The following SLC16A12 variants were observed in gnomAD, a reference collection of about 807,000 sequenced individuals.
The protein encoded by SLC16A12 is solute carrier family 16 member 12, also known as monocarboxylate transporter 12.
A neutral mutation model predicts 42.4 loss-of-function variants in SLC16A12; 17 were observed. The observed-to-expected ratio is 0.40, with a 90% CI of 0.27 to 0.60. The LOEUF is 0.60. Among genes scored for constraint, SLC16A12 ranks in the 20% least tolerant of loss-of-function variants. The pLI, the probability that SLC16A12 is intolerant of heterozygous loss-of-function variation, is 0.42. For synonymous variants in SLC16A12, 224 were observed against 229.4 expected, an observed-to-expected ratio of 0.98 and a Z score of 0.21; for missense variants, 544 against 623.0, an observed-to-expected ratio of 0.87 and a Z score of 1.35.
At chr10:89,548,595 C>A (rs1476498342) in intron 2 of SLC16A12, among the ~76,000 whole-genome samples, 1 of 152,038 alleles carries the variant, frequency 6.6e-6, no homozygotes, top group African/African-American at 2.4e-5. Flanking sequence ...GCGGGTGGAT[C>A]ACTGGAGGTC....
At chr10:89,490,389 T>G (rs533071641) in intron 2 of SLC16A12, among the ~76,000 whole-genome samples, 92 of 152,292 alleles carry the variant, frequency 6.0e-4, no homozygotes, top group Admixed American at 2.9e-3. Flanking sequence ...GGGCTCGGTC[T>G]CACAAGACTG....
chr10:89,492,793 A>G (rs1842866167), intron 2 of SLC16A12, among the ~76,000 whole-genome samples: 1 of 151,876 alleles, frequency 6.6e-6, no homozygotes, highest in African/African-American at 2.4e-5. Context: ...AAAGGTAGAG[A>G]AGGTTAATAG....
chr10:89,540,613 G>A (rs1024523103), intron 2 of SLC16A12, among the ~76,000 whole-genome samples: 1 of 152,036 alleles, frequency 6.6e-6, no homozygotes, highest in African/African-American at 2.4e-5. Context: ...TTGCCAGATA[G>A]CCAGTGAATA....
At chr10:89,480,977 C>T (rs1041408691) in intron 2 of SLC16A12, among the ~76,000 whole-genome samples, 5 of 152,220 alleles carry the variant, frequency 3.3e-5, no homozygotes, top group African/African-American at 4.8e-5. Context: ...TCTGTGTCTA[C>T]GTTCTTTCCT....
chr10:89,532,515 A>T (rs1843571601), intron 2 of SLC16A12, among the ~76,000 whole-genome samples: 1 of 152,228 alleles, frequency 6.6e-6, no homozygotes, highest in Admixed American at 6.5e-5. Flanking sequence ...CAATTAAATT[A>T]TTATATCATT....
At chr10:89,485,803 C>T (rs1394615710) in intron 2 of SLC16A12, among the ~76,000 whole-genome samples, 3 of 129,196 alleles carry the variant, frequency 2.3e-5, no homozygotes, top group Admixed American at 2.3e-4. Context: ...TAGGTGCACA[C>T]TGGGGAAGTT....
chr10:89,485,067 T>C (rs910575168), intron 2 of SLC16A12, among the ~76,000 whole-genome samples: 1 of 152,194 alleles, frequency 6.6e-6, no homozygotes, highest in African/African-American at 2.4e-5. Context: ...CTTCTGCCTG[T>C]ATATAGAGCA....
intron 3 of SLC16A12, among the ~76,000 whole-genome samples, chr10:89,452,068 C>A (rs1842104060): frequency 6.6e-6 from 1 of 152,188 alleles, no homozygotes; most frequent in African/African-American, 2.4e-5. Context: ...CTATCATATC[C>A]TTTTTCATTC....
intron 2 of SLC16A12, among the ~76,000 whole-genome samples, chr10:89,517,649 A>G (rs1564596865): frequency 6.6e-6 from 1 of 152,078 alleles, no homozygotes; most frequent in Non-Finnish European, 1.5e-5. Flanking sequence ...TACTTTTTAA[A>G]TCAAGAAGTT....
intron 7 of SLC16A12, 82 bp downstream of exon 7, chr10:89,435,978 C>T: frequency 6.3e-7 from 1 of 1,580,800 alleles, no homozygotes; most frequent in Non-Finnish European, 8.6e-7. Flanking sequence ...CAGTCCTTCT[C>T]ATTGACTGCA....
chr10:89,548,402 C>T (rs950428040), intron 2 of SLC16A12, among the ~76,000 whole-genome samples: 5 of 152,050 alleles, frequency 3.3e-5, no homozygotes, highest in African/African-American at 9.7e-5. Context: ...GGGGAAGAGT[C>T]AAGGTTAGAG....
At chr10:89,448,137 A>C (rs1051372014) in intron 3 of SLC16A12, among the ~76,000 whole-genome samples, 2 of 152,238 alleles carry the variant, frequency 1.3e-5, no homozygotes, top group Non-Finnish European at 2.9e-5. Flanking sequence ...AACCAAAAAA[A>C]GTCCAGGACC....
intron 3 of SLC16A12, among the ~76,000 whole-genome samples, chr10:89,456,456 A>G (rs549734042): frequency 6.6e-6 from 1 of 152,142 alleles, no homozygotes; most frequent in Non-Finnish European, 1.5e-5. Flanking sequence ...TTAAGTATCA[A>G]CCCAACTCAA....
rs60541251 is a variant in SLC16A12 at position 89,450,377 on chromosome 10, T to C, written c.201-6518A>G. 7.6e-3 allele frequency among the ~76,000 whole-genome samples: 1,160 copies of C among 152,326 alleles called. 14 individuals carry two copies. Among genetic ancestry groups the C allele is most frequent in the African/African-American group, 0.026 (1,091 of 41,570 alleles). On this transcript the variant is annotated intron_variant, in intron 3 of 7. Coordinates refer to ENST00000371790, the MANE Select transcript of SLC16A12 (RefSeq NM_213606.4). ...AACCAAGCCAAATGTCCATCAATGA[T>C]AGACTGGATTAAGAAAATGTGGCAC... is the stretch of plus-strand genomic sequence containing the variant.
upstream of SLC16A12, among the ~76,000 whole-genome samples, chr10:89,539,893 C>CTTTCTTTA (rs1554834024): frequency 6.8e-6 from 1 of 146,542 alleles, no homozygotes; most frequent in Non-Finnish European, 1.5e-5. Context: ...TTCTTTCTTT[C>CTTTCTTTA]TTTCTTTCTT....
At chr10:89,530,708 G>C (rs995394905) in intron 2 of SLC16A12, among the ~76,000 whole-genome samples, 10 of 152,116 alleles carry the variant, frequency 6.6e-5, no homozygotes, top group South Asian at 2.1e-4. Flanking sequence ...TGTGAGCCAC[G>C]GCGCCCGGCT....
intron 2 of SLC16A12, among the ~76,000 whole-genome samples, chr10:89,467,716 ATTAAG>A (rs1475813169): frequency 6.6e-6 from 1 of 152,240 alleles, no homozygotes; most frequent in African/African-American, 2.4e-5. Flanking sequence ...AGCTGGTATG[ATTAAG>A]TTATTATTCA....
At chr10:89,501,273 C>T (rs947446563) in intron 2 of SLC16A12, among the ~76,000 whole-genome samples, 1 of 152,116 alleles carries the variant, frequency 6.6e-6, no homozygotes, top group African/African-American at 2.4e-5. Context: ...CAAAATACCA[C>T]CATTATTCTT....
chr10:89,470,098 G>A (rs1842469551), intron 2 of SLC16A12, among the ~76,000 whole-genome samples: 2 of 152,116 alleles, frequency 1.3e-5, no homozygotes, highest in Admixed American at 1.3e-4. Flanking sequence ...TTAAGACTAA[G>A]TCAAGAAGCC....
Sources: gnomAD v4.1 joint callset for allele counts (sites outside exome capture counted in the v4.1 genomes callset) on GRCh38, gnomAD v4.1.1 for gene constraint, MANE v1.5 for transcripts, NCBI Gene and HGNC (gene_info 2026-07-23, HGNC 2026-07-21) for gene names.